The following PRKG1 variants were observed in gnomAD, a reference collection of about 807,000 sequenced individuals.
PRKG1 encodes protein kinase cGMP-dependent 1.
In PRKG1, 35 loss-of-function variants were observed where a neutral mutation model predicts 88.1. The observed-to-expected ratio is 0.40, with a 90% CI of 0.30 to 0.53. The LOEUF (loss-of-function observed/expected upper bound fraction) is 0.53, where lower values mean the gene tolerates loss of function less well. Ranked by LOEUF, PRKG1 falls within the 20% of genes least tolerant of loss-of-function variation. PRKG1 has a pLI of 0.59. For synonymous variants in PRKG1, 303 were observed against 292.5 expected (o/e 1.04, Z -0.37); for missense variants, 540 against 839.8 (o/e 0.64, Z 4.41).
intron 1 of PRKG1, among the ~76,000 whole-genome samples, chr10:51,083,537 T>C (rs1844169388): frequency 6.7e-6 from 1 of 149,378 alleles, no homozygotes; most frequent in Non-Finnish European, 1.5e-5. Flanking sequence ...TTCCTACAGA[T>C]ATTTTATCCT....
chr10:51,576,500 T>C (rs1221154722), intron 3 of PRKG1, among the ~76,000 whole-genome samples: 2 of 151,970 alleles, frequency 1.3e-5, no homozygotes, highest in Admixed American at 1.3e-4. Context: ...TAGAGAGGTA[T>C]AGATAATTTC....
intron 9 of PRKG1, among the ~76,000 whole-genome samples, chr10:52,162,712 A>G (rs1346867839): frequency 1.3e-5 from 2 of 152,176 alleles, no homozygotes; most frequent in Non-Finnish European, 2.9e-5. Flanking sequence ...GAAGTAAAAT[A>G]ATGTATTTTG....
chr10:51,355,753 G>C (rs982842907), intron 2 of PRKG1, among the ~76,000 whole-genome samples: 1 of 151,908 alleles, frequency 6.6e-6, no homozygotes, highest in Non-Finnish European at 1.5e-5. Context: ...TTAATTATAA[G>C]ATAAATTAAA....
At chr10:51,622,517 G>T (rs1221454880) in intron 3 of PRKG1, among the ~76,000 whole-genome samples, 4 of 152,176 alleles carry the variant, frequency 2.6e-5, no homozygotes, top group African/African-American at 7.2e-5. Context: ...TTCTATGACA[G>T]TTCCAGGGAC....
intron 7 of PRKG1, among the ~76,000 whole-genome samples, chr10:52,101,891 G>T (rs1276616351): frequency 6.6e-6 from 1 of 152,184 alleles, no homozygotes; most frequent in African/African-American, 2.4e-5. Flanking sequence ...ACATTTATTA[G>T]TAAAGAAGAG....
chr10:52,266,702 G>C (rs1841578557), intron 10 of PRKG1, among the ~76,000 whole-genome samples: 1 of 151,896 alleles, frequency 6.6e-6, no homozygotes, highest in Non-Finnish European at 1.5e-5. Context: ...CAGGTAATCT[G>C]TCAGGATATC....
At chr10:51,681,962 A>C (rs1231684927) in intron 3 of PRKG1, among the ~76,000 whole-genome samples, 1 of 152,226 alleles carries the variant, frequency 6.6e-6, no homozygotes, top group African/African-American at 2.4e-5. Flanking sequence ...AAATAGTGCA[A>C]ATAGTTCCTC....
At chr10:52,054,392 A>C (rs1846058932) in intron 5 of PRKG1, 92 bp from the exon 6 acceptor site, 1 of 875,902 alleles carries the variant, frequency 1.1e-6, no homozygotes, top group Non-Finnish European at 1.8e-6. Context: ...ATTAGGATGA[A>C]TATATCCCTG....
intron 8 of PRKG1, among the ~76,000 whole-genome samples, chr10:52,159,847 GAAATGGATTTGAAA>G (rs1488045256): frequency 6.6e-6 from 1 of 151,666 alleles, no homozygotes; most frequent in Non-Finnish European, 1.5e-5. Flanking sequence ...TTAATATATT[GAAATGGATTTGAAA>G]AACTAAGTTT....
intron 7 of PRKG1, among the ~76,000 whole-genome samples, chr10:52,117,534 A>G (rs9651311): frequency 0.58 from 88,093 of 151,856 alleles, 26,654 homozygotes; most frequent in Non-Finnish European, 0.67. Flanking sequence ...TAATAACCAC[A>G]CAGTCAACAC....
rs374055462 is a variant in PRKG1, at chr10:51,852,636, A to G, written c.698+47946A>G. Among the ~76,000 whole-genome samples, 28 of 152,258 alleles carry G rather than the reference A, an allele frequency of 1.8e-4. No individual in the cohort carries two copies. In the South Asian group the frequency reaches 5.4e-3, roughly 29 times the overall value. On this transcript the variant is annotated intron_variant, in intron 4 of 17. Coordinates refer to ENST00000373980, the MANE Select transcript of PRKG1 (RefSeq NM_006258.4). ...GTTATTATTCCTTGTAGTTCAACCT[A>G]TACACATGAGCATATATAAGAATAC...
chr10:51,631,499 A>T (rs1839525697), intron 3 of PRKG1, among the ~76,000 whole-genome samples: 1 of 152,204 alleles, frequency 6.6e-6, no homozygotes, highest in South Asian at 2.1e-4. Flanking sequence ...ATGCAGCTTA[A>T]TTGTCACTTA....
At chr10:51,849,233 T>C (rs982595253) in intron 4 of PRKG1, among the ~76,000 whole-genome samples, 1 of 152,148 alleles carries the variant, frequency 6.6e-6, no homozygotes, top group Admixed American at 6.6e-5. Flanking sequence ...GAAAAGAACA[T>C]CGTTCTTGGA....
rs568104387 is a variant in PRKG1 at position 51,278,764 on chromosome 10, A to T, written c.478+125434A>T. On this transcript the variant is annotated intron_variant, in intron 2 of 17. Coordinates refer to ENST00000373980, the MANE Select transcript of PRKG1 (RefSeq NM_006258.4). The stretch of plus-strand genomic sequence containing the variant: ...ATAGAGGTGTTTATAGTATTCTCTG[A>T]TGGTAGTTTGTATTTCTGTGGGATC... Among the ~76,000 whole-genome samples, 509 of 152,160 alleles carry T rather than the reference A, an allele frequency of 3.3e-3. 2 individuals carry two copies. Among genetic ancestry groups the T allele is most frequent in the Non-Finnish European group, 6.0e-3 (407 of 67,988 alleles).
At chr10:52,272,780 A>G (rs1330541288) in intron 12 of PRKG1, among the ~76,000 whole-genome samples, 1 of 152,114 alleles carries the variant, frequency 6.6e-6, no homozygotes, top group Non-Finnish European at 1.5e-5. Flanking sequence ...TGTAGCTGGA[A>G]TTCAATTCAT....
At chr10:51,134,291 G>T (rs1156841462) in intron 1 of PRKG1, among the ~76,000 whole-genome samples, 1 of 152,060 alleles carries the variant, frequency 6.6e-6, no homozygotes, top group Non-Finnish European at 1.5e-5. Context: ...GGGGAGTTTC[G>T]TCATTACTTC....
intron 3 of PRKG1, among the ~76,000 whole-genome samples, chr10:51,728,667 C>T (rs893396255): frequency 4.6e-5 from 7 of 151,936 alleles, no homozygotes; most frequent in African/African-American, 1.5e-4. Context: ...ATATAAGTAT[C>T]AGCTATTGTA....
chr10:51,905,603 T>G lies in PRKG1; in HGVS notation c.699-1904T>G, dbSNP rs988293671. Reference sequence around the variant, plus strand: ...GGAATTATATGTTGATAACCTTTTGTTTTTTTTTATTTAAAGTTATTATAA... The same window carrying G: ...GGAATTATATGTTGATAACCTTTTGGTTTTTTTTATTTAAAGTTATTATAA... On this transcript the variant is annotated intron_variant, in intron 4 of 17. Transcript: ENST00000373980. Among the ~76,000 whole-genome samples the G allele has an allele frequency of 8.0e-5, 12 of 150,594 alleles. No individual in the cohort carries two copies. The South Asian group carries it at 1.3e-3, about 16-fold the overall frequency.
At chr10:51,898,487 G>C (rs61847451) in intron 4 of PRKG1, among the ~76,000 whole-genome samples, 237 of 152,088 alleles carry the variant, frequency 1.6e-3, no homozygotes, top group Middle Eastern at 3.4e-3. Context: ...TACTCAATAA[G>C]TTTTGATGAA....
Sources: gnomAD v4.1 joint callset for allele counts (sites outside exome capture counted in the v4.1 genomes callset) on GRCh38, gnomAD v4.1.1 for gene constraint, MANE v1.5 for transcripts, NCBI Gene and HGNC (gene_info 2026-07-23, HGNC 2026-07-21) for gene names.